The following CRTAC1 variants were observed in gnomAD, a reference collection of about 807,000 sequenced individuals.
The protein encoded by CRTAC1 is acidic secreted protein in cartilage.
CRTAC1 carries 37 observed loss-of-function variants against 67.8 expected under a neutral mutation model. The ratio of observed to expected loss-of-function variants is 0.55; its 90% CI spans 0.42 to 0.72. The LOEUF (loss-of-function observed/expected upper bound fraction) is 0.72. CRTAC1 is among the 30% of genes least tolerant of loss of function. The pLI is 0.00. For synonymous variants in CRTAC1, 348 were observed against 371.0 expected (o/e 0.94, Z 0.71); for missense variants, 780 against 931.6 (o/e 0.84, Z 2.12).
At chr10:97,991,859 A>G (rs1210421647) in intron 2 of CRTAC1, among the ~76,000 whole-genome samples, 1 of 152,200 alleles carries the variant, frequency 6.6e-6, no homozygotes, top group East Asian at 1.9e-4. Flanking sequence ...TTTTAGATAT[A>G]CCCTTGGAAA....
intron 2 of CRTAC1, among the ~76,000 whole-genome samples, chr10:98,009,215 A>G (rs1007688714): frequency 2.0e-5 from 3 of 152,230 alleles, no homozygotes; most frequent in African/African-American, 7.2e-5. Flanking sequence ...GCTATTTTTA[A>G]TTAAAATAAA....
At chr10:98,016,227 G>T (rs1195603342) in intron 1 of CRTAC1, among the ~76,000 whole-genome samples, 1 of 152,186 alleles carries the variant, frequency 6.6e-6, no homozygotes, top group Non-Finnish European at 1.5e-5. Context: ...AGGGGTTCTG[G>T]GTAGGAATTT....
At chr10:97,927,764 C>T (rs970400099) in intron 3 of CRTAC1, among the ~76,000 whole-genome samples, 2 of 152,216 alleles carry the variant, frequency 1.3e-5, no homozygotes, top group African/African-American at 4.8e-5. Context: ...GAGATGGGAG[C>T]CCGTGATTTA....
At chr10:98,001,741 C>A (rs760140887) in intron 2 of CRTAC1, among the ~76,000 whole-genome samples, 1 of 152,170 alleles carries the variant, frequency 6.6e-6, no homozygotes, top group Non-Finnish European at 1.5e-5. Flanking sequence ...TGGGAATGTT[C>A]GTTTTTAGCT....
rs144334352 is a variant in CRTAC1, at chr10:97,923,387, G to A, written c.435C>T (p.Tyr145=). ...TGCGGAACTTGAACAACTTGTCGGT[G>A]TACGTGGCCACCCCTGGAGAGAGGA... ...TNNAFSGVAT[Y]TDKLFKFRNN... is the part of the protein sequence containing the mutation. The change falls in exon 4 of 15, where the codon TAC becomes TAT. Residue 145 remains tyrosine, a synonymous_variant. Coordinates refer to ENST00000370597, the MANE Select transcript of CRTAC1 (RefSeq NM_018058.7). 6.2e-7 allele frequency: 1 copy of A among 1,614,150 alleles called. No homozygotes were observed. The highest frequency in any genetic ancestry group is 8.5e-7 in the Non-Finnish European group (1 of 1,180,036).
chr10:98,007,684 A>G (rs1031045202), intron 2 of CRTAC1, among the ~76,000 whole-genome samples: 1 of 152,154 alleles, frequency 6.6e-6, no homozygotes, highest in African/African-American at 2.4e-5. Flanking sequence ...GTCTCTCTAA[A>G]TGGCTGATTT....
intron 2 of CRTAC1, among the ~76,000 whole-genome samples, chr10:97,958,888 AC>A (rs1049255056): frequency 6.6e-6 from 1 of 152,016 alleles, no homozygotes; most frequent in Admixed American, 6.5e-5. Flanking sequence ...TCCACTCTCT[AC>A]CCCTTCCCTG....
chr10:97,973,978 A>G (rs1342027939), intron 2 of CRTAC1, among the ~76,000 whole-genome samples: 1 of 151,674 alleles, frequency 6.6e-6, no homozygotes, highest in Non-Finnish European at 1.5e-5. Flanking sequence ...CATACCAAAA[A>G]AAAAAAAAAA....
intron 4 of CRTAC1, among the ~76,000 whole-genome samples, chr10:97,921,625 T>A (rs1048102903): frequency 6.6e-6 from 1 of 152,174 alleles, no homozygotes; most frequent in Non-Finnish European, 1.5e-5. Context: ...GCTGTTACTG[T>A]TGTCCTTGCT....
chr10:97,930,178 T>C (rs2050983135), intron 3 of CRTAC1, among the ~76,000 whole-genome samples: 1 of 152,214 alleles, frequency 6.6e-6, no homozygotes, highest in South Asian at 2.1e-4. Flanking sequence ...TGCACAGCTG[T>C]TGTGAGGTGG....
chr10:97,889,667 C>A (rs1452490512), intron 11 of CRTAC1, among the ~76,000 whole-genome samples: 1 of 152,124 alleles, frequency 6.6e-6, no homozygotes, highest in Non-Finnish European at 1.5e-5. Flanking sequence ...AAGGCTGAGG[C>A]TGTCTGAGAG....
intron 2 of CRTAC1, among the ~76,000 whole-genome samples, chr10:98,000,989 T>C (rs207471297): frequency 2.0e-5 from 3 of 152,154 alleles, no homozygotes; most frequent in Non-Finnish European, 4.4e-5. Flanking sequence ...AAGTTAAGTA[T>C]GGTAAAGATA....
intron 14 of CRTAC1, among the ~76,000 whole-genome samples, chr10:97,878,039 T>G (rs983324242): frequency 6.6e-6 from 1 of 152,226 alleles, no homozygotes; most frequent in South Asian, 2.1e-4. Flanking sequence ...ACTTTGTTCA[T>G]TTTTTAAAAG....
intron 11 of CRTAC1, among the ~76,000 whole-genome samples, chr10:97,893,320 C>T (rs2050403905): frequency 6.6e-6 from 1 of 152,120 alleles, no homozygotes; most frequent in African/African-American, 2.4e-5. Context: ...ACCATAGTGC[C>T]TATTCCTTTT....
chr10:97,941,731 C>A (rs2051180532), intron 2 of CRTAC1, among the ~76,000 whole-genome samples: 1 of 152,228 alleles, frequency 6.6e-6, no homozygotes, highest in Non-Finnish European at 1.5e-5. Context: ...GCCACCATCT[C>A]TGGGCAGACA....
intron 1 of CRTAC1, among the ~76,000 whole-genome samples, chr10:98,023,072 A>G (rs1843155162): frequency 6.6e-6 from 1 of 152,212 alleles, no homozygotes; most frequent in Non-Finnish European, 1.5e-5. Context: ...ATTTCCATGC[A>G]GTCTATCAGC....
At chr10:97,966,909 C>G (rs549650627) in intron 2 of CRTAC1, among the ~76,000 whole-genome samples, 5 of 152,144 alleles carry the variant, frequency 3.3e-5, no homozygotes, top group African/African-American at 4.8e-5. Context: ...AGGGCACACA[C>G]TCTCAACATG....
chr10:98,002,057 C>T (rs1265791540), intron 2 of CRTAC1, among the ~76,000 whole-genome samples: 1 of 152,186 alleles, frequency 6.6e-6, no homozygotes, highest in East Asian at 1.9e-4. Context: ...TCTCTCCTGC[C>T]CTAGGCCTGG....
At chr10:97,881,940 C>T (rs144630272) in intron 13 of CRTAC1, among the ~76,000 whole-genome samples, 112 of 152,248 alleles carry the variant, frequency 7.4e-4, no homozygotes, top group Non-Finnish European at 1.4e-3. Flanking sequence ...AGGGCCCCTG[C>T]TTTGTCATCT....
Sources: gnomAD v4.1 joint callset for allele counts (sites outside exome capture counted in the v4.1 genomes callset) on GRCh38, gnomAD v4.1.1 for gene constraint, MANE v1.5 for transcripts, NCBI Gene and HGNC (gene_info 2026-07-23, HGNC 2026-07-21) for gene names.